The following GRK5 variants were observed in gnomAD, a reference collection of about 807,000 sequenced individuals.
GRK5 encodes G protein-coupled receptor kinase 5.
GRK5 carries 40 observed loss-of-function variants against 78.4 expected under a neutral mutation model. That is an observed-to-expected ratio of 0.51 (90% CI 0.40 to 0.66). The LOEUF (loss-of-function observed/expected upper bound fraction) is 0.66, where lower values mean the gene tolerates loss of function less well. Ranked by LOEUF, GRK5 falls within the 30% of genes least tolerant of loss-of-function variation. The pLI, the probability that GRK5 is intolerant of heterozygous loss-of-function variation, is 0.00. For missense variants in GRK5, 598 were observed against 759.9 expected, an observed-to-expected ratio of 0.79 and a Z score of 2.50; for synonymous variants, 289 against 296.8, an observed-to-expected ratio of 0.97 and a Z score of 0.27.
At chr10:119,407,285 G>T (rs531086233) in intron 4 of GRK5, among the ~76,000 whole-genome samples, 1 of 152,336 alleles carries the variant, frequency 6.6e-6, no homozygotes, top group South Asian at 2.1e-4. Flanking sequence ...GGCCCAGCTT[G>T]GAAGAGGAGA....
chr10:119,356,793 G>A (rs541753906), intron 2 of GRK5, among the ~76,000 whole-genome samples: 107 of 152,342 alleles, frequency 7.0e-4, no homozygotes, highest in Non-Finnish European at 1.3e-3. Flanking sequence ...AGCCACTACC[G>A]ATCCCTTTTC....
intron 2 of GRK5, among the ~76,000 whole-genome samples, chr10:119,327,227 C>T (rs947131038): frequency 6.6e-6 from 1 of 152,192 alleles, no homozygotes; most frequent in African/African-American, 2.4e-5. Context: ...ACACCAGGCA[C>T]CTCCAAGAGC....
Position 119,455,539 on chromosome 10 carries a change from CAA to C in GRK5, c.*484_*485del, listed in dbSNP as rs5788355. ...GGCATTTTAGCGGGGAGGGGGTTAT[CAA>C]AAAAAAAAAAATGTGACTCAAGACT... On this transcript the variant is annotated 3_prime_UTR_variant, in exon 16 of 16. Transcript: ENST00000392870. 777 of 226,514 alleles carry C rather than the reference CAA, an allele frequency of 3.4e-3. No individual in the cohort carries two copies. Among genetic ancestry groups the C allele is most frequent in the South Asian group, 8.2e-3 (185 of 22,670 alleles). 14.0% of individuals were successfully genotyped at this position (226,514 alleles called of 1,614,324 possible).
intron 8 of GRK5, among the ~76,000 whole-genome samples, chr10:119,432,714 C>T (rs990788473): frequency 6.6e-6 from 1 of 152,162 alleles, no homozygotes; most frequent in Non-Finnish European, 1.5e-5. Context: ...CATCATTCTC[C>T]TGAAGAGATA....
At chr10:119,393,767 T>G (rs1851925516) in intron 3 of GRK5, among the ~76,000 whole-genome samples, 1 of 152,220 alleles carries the variant, frequency 6.6e-6, no homozygotes, top group Admixed American at 6.5e-5. Context: ...CTTAGTTTCT[T>G]CATCTGCAAA....
intron 11 of GRK5, among the ~76,000 whole-genome samples, chr10:119,442,896 G>A (rs187413587): frequency 6.4e-4 from 97 of 152,276 alleles, no homozygotes; most frequent in East Asian, 2.1e-3. Flanking sequence ...GCGGGTGGGC[G>A]GGTGGATGGA....
rs540928652 is a variant in GRK5, at chr10:119,356,466, C to T, written c.149-24349C>T. Among the ~76,000 whole-genome samples, 14 of 152,272 alleles carry T rather than the reference C, an allele frequency of 9.2e-5. No homozygotes were observed. The East Asian group carries it at 2.3e-3, about 25-fold the overall frequency. The stretch of plus-strand genomic sequence containing the variant: ...CAGAATTTTATGTTTTTACCATGTT[C>T]GTGGCTCATGCTTTCTTGATTTCTG... On this transcript the variant is annotated intron_variant, in intron 2 of 15. Coordinates refer to ENST00000392870, the MANE Select transcript of GRK5 (RefSeq NM_005308.3).
In GRK5 at chr10:119,394,593, GT is replaced by G. The variant is rs1564917595; in HGVS notation, c.262-2101del. Among the ~76,000 whole-genome samples the G allele has an allele frequency of 4.7e-3, 12 of 2,566 alleles. 3 individuals carry two copies. Among genetic ancestry groups the G allele is most frequent in the Non-Finnish European group, 0.011 (11 of 1,034 alleles). The allele number at this position is 2,566 out of a possible 152,430, so 1.7% of individuals were successfully genotyped here. ...TGTGTGTGTCTGTGTGTGGGTGTGTGTCTGTGTGTGGGCACGTGTATGTTTG... is the reference window on the plus strand; with the variant it reads ...TGTGTGTGTCTGTGTGTGGGTGTGTGCTGTGTGTGGGCACGTGTATGTTTG... On this transcript the variant is annotated intron_variant, in intron 3 of 15. Transcript: ENST00000392870.
chr10:119,207,647 G>T lies in GRK5; in HGVS notation c.-271G>T. The T allele has an allele frequency of 8.0e-6, 3 of 375,970 alleles. No individual in the cohort carries two copies. The highest frequency in any genetic ancestry group is 2.5e-5 in the South Asian group (1 of 40,238). 23.3% of individuals were successfully genotyped at this position (375,970 alleles called of 1,614,324 possible). A position where few individuals can be genotyped will look rare whatever the true frequency, so the allele number is the denominator to read the frequency against. ...GGAGTGACAGAGACACGCGGAGGGT[G>T]GGGGGTGGGGGGGAGCGTGTTGAGG... On this transcript the variant is annotated 5_prime_UTR_variant, in exon 1 of 16. Coordinates refer to ENST00000392870, the MANE Select transcript of GRK5 (RefSeq NM_005308.3).
intron 1 of GRK5, among the ~76,000 whole-genome samples, chr10:119,291,849 T>G (rs1849968397): frequency 7.0e-6 from 1 of 143,318 alleles, no homozygotes; most frequent in Non-Finnish European, 1.5e-5. Context: ...CCTCATTCTC[T>G]TCCTTCTTCT....
chr10:119,453,380 G>T, intron 15 of GRK5, 104 bp downstream of exon 15: 1 of 1,366,690 alleles, frequency 7.3e-7, no homozygotes, highest in Non-Finnish European at 1.0e-6. Context: ...GGAAGGCTTG[G>T]AAGTCTGGGG....
intron 1 of GRK5, among the ~76,000 whole-genome samples, chr10:119,236,845 T>C (rs1848941953): frequency 6.6e-6 from 1 of 152,046 alleles, no homozygotes; most frequent in Non-Finnish European, 1.5e-5. Context: ...TTATCCAGGC[T>C]GGTCTCGAAC....
At chr10:119,453,945 G>C (rs778864186) in intron 15 of GRK5, among the ~76,000 whole-genome samples, 1 of 151,664 alleles carries the variant, frequency 6.6e-6, no homozygotes, top group Admixed American at 6.6e-5. Flanking sequence ...TGCGGGGGAA[G>C]GGCCCCCACC....
Position 119,448,450 on chromosome 10 carries a change from G to A in GRK5, c.1404+190G>A, listed in dbSNP as rs542175928. Among the ~76,000 whole-genome samples the A allele has an allele frequency of 3.3e-5, 5 of 152,362 alleles. No homozygotes were observed. In the East Asian group the frequency reaches 5.8e-4, roughly 18 times the overall value. On this transcript the variant is annotated intron_variant, in intron 13 of 15. Transcript: ENST00000392870. Reference sequence around the variant, plus strand: ...TCACGCCAGGCAGTGCAGAAGAGGCGTGGGCCAGGGAGCCCACATTGGCTG... The same window carrying A: ...TCACGCCAGGCAGTGCAGAAGAGGCATGGGCCAGGGAGCCCACATTGGCTG...
At chr10:119,308,884 G>A (rs183804333) in intron 1 of GRK5, among the ~76,000 whole-genome samples, 18 of 152,324 alleles carry the variant, frequency 1.2e-4, no homozygotes, top group Admixed American at 1.2e-3. Flanking sequence ...ATGCTGGCAG[G>A]ATGGCCTGCC....
chr10:119,382,230 AGGGGAGGCTCTGCCTTGGGCTTC>A (rs1851723287), intron 3 of GRK5, among the ~76,000 whole-genome samples: 1 of 151,632 alleles, frequency 6.6e-6, no homozygotes, highest in East Asian at 1.9e-4. Context: ...CCTTGGGCTT[AGGGGAGGCTCTGCCTTGGGCTTC>A]GGGCAGGCTC....
Position 119,378,431 on chromosome 10 carries a change from T to C in GRK5, c.149-2384T>C, listed in dbSNP as rs184973955. On this transcript the variant is annotated intron_variant, in intron 2 of 15. Coordinates refer to ENST00000392870, the MANE Select transcript of GRK5 (RefSeq NM_005308.3). The surrounding 1 kb of genome is among the most constrained non-coding windows in gnomAD (Gnocchi z 4.5). ...ATCCAAATACTCACTCGGGAGAGAA[T>C]GAAACGTTTTAGAGTGCCTTCTTCA... 5.3e-5 allele frequency among the ~76,000 whole-genome samples: 8 copies of C among 152,282 alleles called. No individual in the cohort carries two copies. The East Asian group carries it at 9.7e-4, about 18-fold the overall frequency.
At chr10:119,394,300 G>GTGTGTGGGTGTGTGTA (rs1851966501) in intron 3 of GRK5, among the ~76,000 whole-genome samples, 16 of 9,414 alleles carry the variant, frequency 1.7e-3, no homozygotes, top group South Asian at 0.011. Flanking sequence ...GTATCTGTGT[G>GTGTGTGGGTGTGTGTA]TCTGTGTGGG....
intron 1 of GRK5, among the ~76,000 whole-genome samples, chr10:119,300,637 G>A (rs1337992092): frequency 6.6e-6 from 1 of 152,218 alleles, no homozygotes; most frequent in Non-Finnish European, 1.5e-5. Flanking sequence ...GCGGAACTAG[G>A]ACTTTGGGAG....
Sources: allele counts gnomAD v4.1 joint callset (sites outside exome capture counted in the v4.1 genomes callset), GRCh38; gene constraint gnomAD v4.1.1; non-coding constraint Gnocchi (gnomAD v3.1); transcripts MANE v1.5; gene names NCBI Gene and HGNC (gene_info 2026-07-23, HGNC 2026-07-21).